BCL2: variants seen among roughly 807,000 people sequenced by gnomAD.
The protein encoded by BCL2 is apoptosis regulator Bcl-2.
Under a neutral mutation model 14.2 loss-of-function variants are expected in BCL2, and 1 was observed. The ratio of observed to expected loss-of-function variants is 0.07; its 90% CI spans 0.02 to 0.33. The LOEUF (loss-of-function observed/expected upper bound fraction) is 0.33, where lower values mean the gene tolerates loss of function less well. Ranked by LOEUF, BCL2 falls within the 10% of genes least tolerant of loss-of-function variation. The pLI is 0.99. For synonymous variants in BCL2, 151 were observed against 137.2 expected, an observed-to-expected ratio of 1.10 and a Z score of -0.70; for missense variants, 247 against 305.9, an observed-to-expected ratio of 0.81 and a Z score of 1.44.
chr18:63,174,557 T>C (rs8085473), intron 2 of BCL2, among the ~76,000 whole-genome samples: 44,715 of 152,034 alleles, frequency 0.29, 8,994 homozygotes, highest in African/African-American at 0.54. Flanking sequence ...TGGTGGCTCA[T>C]GCCTGTAATC....
intron 2 of BCL2, among the ~76,000 whole-genome samples, chr18:63,258,819 G>C (rs959997670): frequency 3.3e-5 from 5 of 152,150 alleles, no homozygotes; most frequent in Non-Finnish European, 7.3e-5. Flanking sequence ...ACTTTTTACG[G>C]GTTTGCGTCA....
intron 2 of BCL2, among the ~76,000 whole-genome samples, chr18:63,220,666 A>C (rs1222287736): frequency 6.6e-6 from 1 of 152,212 alleles, no homozygotes; most frequent in Non-Finnish European, 1.5e-5. Context: ...TCAACAATTA[A>C]AGAGGATCAG....
At chr18:63,230,487 A>G (rs940674211) in intron 2 of BCL2, among the ~76,000 whole-genome samples, 10 of 152,258 alleles carry the variant, frequency 6.6e-5, no homozygotes, top group Non-Finnish European at 8.8e-5. Flanking sequence ...AATAAAGACA[A>G]CAAATCAATA....
At position 63,140,367 on chromosome 18, in the gene BCL2, A is replaced by G. The variant is rs571120976; in HGVS notation, c.586-11608T>C. Among the ~76,000 whole-genome samples, 4 of 152,390 alleles carry G rather than the reference A, an allele frequency of 2.6e-5. No homozygotes were observed. In the South Asian group the frequency reaches 6.2e-4, roughly 24 times the overall value. On this transcript the variant is annotated intron_variant, in intron 2 of 2. Transcript: ENST00000333681. The stretch of plus-strand genomic sequence containing the variant: ...ACAAATGTTCACATCAGCATTATTC[A>G]TAATAGCCAAAAGTGGAAATGACCC...
At position 63,128,305 on chromosome 18, in the gene BCL2, G is replaced by A; in HGVS notation, c.*320C>T. On this transcript the variant is annotated 3_prime_UTR_variant, in exon 3 of 3. Coordinates refer to ENST00000333681, the MANE Select transcript of BCL2 (RefSeq NM_000633.3). Reference sequence around the variant, plus strand: ...CATCCAGGTGGAGCCACACGAAGCGGTGCTTGGCAATTAGTGGTCGGATTT... The same window carrying A: ...CATCCAGGTGGAGCCACACGAAGCGATGCTTGGCAATTAGTGGTCGGATTT... 3.8e-6 allele frequency: 1 copy of A among 263,642 alleles called. No individual in the cohort carries two copies. The highest frequency in any genetic ancestry group is 5.6e-5 in the East Asian group (1 of 17,910). 16.3% of individuals were successfully genotyped at this position (263,642 alleles called of 1,614,324 possible). A position where few individuals can be genotyped will look rare whatever the true frequency, so the allele number is the denominator to read the frequency against.
At chr18:63,316,947 A>AC (rs1913516545) in intron 2 of BCL2, 1 of 152,126 alleles carries the variant, frequency 6.6e-6, no homozygotes, top group African/African-American at 2.4e-5. Flanking sequence ...AAAAAAAAAA[A>AC]AACTTCACAC....
intron 2 of BCL2, among the ~76,000 whole-genome samples, chr18:63,254,058 C>G (rs546524422): frequency 2.0e-5 from 3 of 151,974 alleles, no homozygotes; most frequent in African/African-American, 7.2e-5. Flanking sequence ...TTTCTTTGGT[C>G]TCTACTTTCA....
chr18:63,183,214 C>T (rs1915517280), intron 2 of BCL2, among the ~76,000 whole-genome samples: 1 of 152,162 alleles, frequency 6.6e-6, no homozygotes, highest in Non-Finnish European at 1.5e-5. Flanking sequence ...GGAGGGCAAG[C>T]CACCAGAGAG....
intron 2 of BCL2, among the ~76,000 whole-genome samples, chr18:63,258,651 G>A (rs1599274639): frequency 6.6e-6 from 1 of 152,148 alleles, no homozygotes; most frequent in Non-Finnish European, 1.5e-5. Flanking sequence ...GTTGCCCTCC[G>A]GTCCCCCAGA....
At chr18:63,303,224 G>T (rs1280767279) in intron 2 of BCL2, among the ~76,000 whole-genome samples, 2 of 152,326 alleles carry the variant, frequency 1.3e-5, no homozygotes, top group East Asian at 1.9e-4. Context: ...GGCACTGTGG[G>T]TTTGTTTTTC....
intron 2 of BCL2, among the ~76,000 whole-genome samples, chr18:63,292,087 A>G (rs1162941393): frequency 6.6e-6 from 1 of 152,162 alleles, no homozygotes; most frequent in South Asian, 2.1e-4. Flanking sequence ...ATGACTTAAT[A>G]GATCAACTGG....
intron 2 of BCL2, among the ~76,000 whole-genome samples, chr18:63,298,254 A>C (rs1912856535): frequency 6.6e-6 from 1 of 152,238 alleles, no homozygotes; most frequent in African/African-American, 2.4e-5. Context: ...CTATGGCTTG[A>C]AAACACAGCT....
In BCL2 at chr18:63,158,390, T is replaced by C. The variant is rs117903316; in HGVS notation, c.586-29631A>G. ...CTACCAGGGACTTCACTAATTAGCA[T>C]AGTCTCTCATAGCCTGGCCTTGGGA... On this transcript the variant is annotated intron_variant, in intron 2 of 2. Transcript: ENST00000333681. Among the ~76,000 whole-genome samples, 51 of 152,290 alleles carry C rather than the reference T, an allele frequency of 3.3e-4. No homozygotes were observed. In the East Asian group the frequency reaches 8.9e-3, roughly 26 times the overall value.
At chr18:63,193,281 T>C (rs1220968203) in intron 2 of BCL2, among the ~76,000 whole-genome samples, 2 of 152,126 alleles carry the variant, frequency 1.3e-5, no homozygotes, top group African/African-American at 4.8e-5. Flanking sequence ...TTTAAACATG[T>C]CCATTAAAGT....
intron 2 of BCL2, among the ~76,000 whole-genome samples, chr18:63,145,703 C>A (rs528027863): frequency 1.3e-5 from 2 of 152,238 alleles, no homozygotes; most frequent in African/African-American, 2.4e-5. Flanking sequence ...TCAGACCCAA[C>A]AAGCCAAACA....
intron 2 of BCL2, among the ~76,000 whole-genome samples, chr18:63,280,027 T>C (rs920078677): frequency 1.3e-5 from 2 of 152,242 alleles, no homozygotes; most frequent in African/African-American, 4.8e-5. Context: ...TTTACCTGCA[T>C]GATGGCTACA....
chr18:63,283,481 T>C (rs1204239436), intron 2 of BCL2, among the ~76,000 whole-genome samples: 1 of 151,664 alleles, frequency 6.6e-6, no homozygotes, highest in Non-Finnish European at 1.5e-5. Context: ...AAACCACTAA[T>C]TTAGTTGTTT....
Position 63,125,654 on chromosome 18 carries a change from C to T in BCL2, c.*2971G>A, listed in dbSNP as rs1333096902. 2 of 211,358 alleles carry T rather than the reference C, an allele frequency of 9.5e-6. No homozygotes were observed. The highest frequency in any genetic ancestry group is 1.9e-5 in the Non-Finnish European group (2 of 104,410). The allele number at this position is 211,358 out of a possible 1,614,324, so 13.1% of individuals were successfully genotyped here. On this transcript the variant is annotated 3_prime_UTR_variant, in exon 3 of 3. Transcript: ENST00000333681. ...ATAGGGATGGTTCTCTGTTGCCCAACTGCAAAATAATTAGATATAATGAAA... is the reference window on the plus strand; with the variant it reads ...ATAGGGATGGTTCTCTGTTGCCCAATTGCAAAATAATTAGATATAATGAAA...
chr18:63,268,044 C>A (rs1911886799), intron 2 of BCL2, among the ~76,000 whole-genome samples: 1 of 152,242 alleles, frequency 6.6e-6, no homozygotes, highest in Admixed American at 6.5e-5. Context: ...TTCCTGCATT[C>A]CTTTTGCATC....
Sources: allele counts gnomAD v4.1 joint callset (sites outside exome capture counted in the v4.1 genomes callset), GRCh38; gene constraint gnomAD v4.1.1; transcripts MANE v1.5; gene names NCBI Gene and HGNC (gene_info 2026-07-23, HGNC 2026-07-21).